KCNMB1: variants seen among roughly 807,000 people sequenced by gnomAD.
KCNMB1 encodes the protein calcium-activated potassium channel subunit beta-1.
Under a neutral mutation model 21.7 loss-of-function variants are expected in KCNMB1, and 22 were observed. The observed-to-expected ratio is 1.01, with a 90% confidence interval of 0.72 to 1.45. KCNMB1 has a LOEUF of 1.45. Ranked by LOEUF, KCNMB1 falls within the 40% of genes most tolerant of loss-of-function variation. KCNMB1 has a pLI of 0.00. For missense variants in KCNMB1, 243 were observed against 243.4 expected (o/e 1.00, Z 0.01); for synonymous variants, 114 against 107.6 (o/e 1.06, Z -0.37).
rs1195659496 is a variant in KCNMB1, at chr5:170,378,443, G to A, written c.*261C>T. ...CCGGAAACAGGTATGAGTCAGTTGA[G>A]TGGGGACAGGTAATAGAGAGCTAGA... On this transcript the variant is annotated 3_prime_UTR_variant, in exon 4 of 4. Transcript: ENST00000274629. The A allele has an allele frequency of 1.5e-5, 7 of 458,288 alleles. No individual in the cohort carries two copies. Among genetic ancestry groups the A allele is most frequent in the African/African-American group, 1.4e-4 (7 of 50,820 alleles). The allele number at this position is 458,288 out of a possible 1,614,324, so 28.4% of individuals were successfully genotyped here.
intron 1 of KCNMB1, 106 bp from the exon 2 acceptor site, chr5:170,385,577 CTT>C: frequency 1.9e-6 from 2 of 1,048,790 alleles, no homozygotes; most frequent in East Asian, 2.6e-5. Context: ...TAATATCACT[CTT>C]GTTTATATTT....
intron 3 of KCNMB1, 187 bp downstream of exon 3, chr5:170,383,492 G>A (rs370025912): frequency 9.0e-6 from 6 of 669,100 alleles, no homozygotes; most frequent in Middle Eastern, 3.5e-4. Context: ...CCAGTTAGCG[G>A]CAGATTCAAA....
rs112318935 is a variant in KCNMB1, at chr5:170,385,358, G to C, written c.90C>G (p.Thr30=). ...GCACAGTCGTGACCAGGATGTAGTA[G>C]GTGATGACGGCACACACCACCATGG... ...GVTMVVCAVI[T]YYILVTTVLP... is the part of the protein sequence containing the mutation. Residue 30 remains threonine (T), a synonymous_variant, in exon 2 of 4, where the codon ACC becomes ACG. Coordinates refer to ENST00000274629, the MANE Select transcript of KCNMB1 (RefSeq NM_004137.4). The C allele has an allele frequency of 2.5e-6, 4 of 1,614,140 alleles. No individual in the cohort carries two copies. The highest frequency in any genetic ancestry group is 2.5e-6 in the Non-Finnish European group (3 of 1,180,014).
rs1764108282 is a variant in KCNMB1, at chr5:170,378,702, C to T, written c.*2G>A. 1 of 1,604,872 alleles carries T rather than the reference C, an allele frequency of 6.2e-7. No homozygotes were observed. Among genetic ancestry groups the T allele is most frequent in the Non-Finnish European group, 8.5e-7 (1 of 1,175,946 alleles). On this transcript the variant is annotated 3_prime_UTR_variant, in exon 4 of 4. Transcript: ENST00000274629. ...CAAGTGGTATGGCATGGATGGATGG[C>T]TCTACTTCTGGGCCGCCAGGATGGA... is the stretch of plus-strand genomic sequence containing the variant.
intron 3 of KCNMB1, among the ~76,000 whole-genome samples, chr5:170,380,426 A>T (rs997013436): frequency 6.6e-6 from 1 of 152,246 alleles, no homozygotes; most frequent in Non-Finnish European, 1.5e-5. Context: ...CCCAAATGGC[A>T]GGTGTTGAGC....
chr5:170,379,086 G>C, intron 3 of KCNMB1, 113 bp from the exon 4 acceptor site: 1 of 1,303,722 alleles, frequency 7.7e-7, no homozygotes, highest in South Asian at 1.5e-5. Flanking sequence ...CTGGATTGGA[G>C]TCGGGGCTTT....
chr5:170,383,708 T>C lies in KCNMB1; in HGVS notation c.277A>G (p.Thr93Ala). 1 of 1,614,156 alleles carries C rather than the reference T, an allele frequency of 6.2e-7. No individual in the cohort carries two copies. The highest frequency in any genetic ancestry group is 1.1e-5 in the South Asian group (1 of 91,082). Residue 93 changes from threonine to alanine, a missense_variant, in exon 3 of 4, where the codon ACG (threonine) becomes GCG (alanine). By Grantham distance (58) the Thr-to-Ala change is moderately conservative. Coordinates refer to ENST00000274629, the MANE Select transcript of KCNMB1 (RefSeq NM_004137.4). ...AAGRWAVLYHTEDTRDQNQQC... is the reference protein window; with the variant it reads ...AAGRWAVLYHAEDTRDQNQQC... ...TGGTTCTGGTCCCGAGTGTCCTCCG[T>C]GTGGTACAGCACAGCCCACCTGCCG... is the stretch of plus-strand genomic sequence containing the variant.
intron 3 of KCNMB1, among the ~76,000 whole-genome samples, chr5:170,380,419 A>G: frequency 6.6e-6 from 1 of 152,218 alleles, no homozygotes; most frequent in South Asian, 2.1e-4. Context: ...ACTGAGACCC[A>G]AATGGCAGGT....
chr5:170,379,840 T>A (rs964180557), intron 3 of KCNMB1, among the ~76,000 whole-genome samples: 4 of 151,418 alleles, frequency 2.6e-5, no homozygotes, highest in Non-Finnish European at 5.9e-5. Flanking sequence ...TAGTCCCAGC[T>A]ACACAGGAGA....
intron 2 of KCNMB1, among the ~76,000 whole-genome samples, chr5:170,384,125 T>C (rs2113343009): frequency 6.6e-6 from 1 of 152,328 alleles, no homozygotes; most frequent in East Asian, 1.9e-4. Context: ...TCTAAAAAGA[T>C]TCCCGTGTCC....
In KCNMB1 at chr5:170,378,976, G is replaced by A. The variant is rs1013878013; in HGVS notation, c.307-3C>T. The A allele has an allele frequency of 8.1e-6, 13 of 1,613,030 alleles. No individual in the cohort carries two copies. Among genetic ancestry groups the A allele is most frequent in the Non-Finnish European group, 9.3e-6 (11 of 1,179,262 alleles). On this transcript the variant is annotated splice_polypyrimidine_tract_variant and splice_region_variant and intron_variant, in intron 3 of 3. Coordinates refer to ENST00000274629, the MANE Select transcript of KCNMB1 (RefSeq NM_004137.4). ...ACGCTGCCTGGGATGTAGGAGCACT[G>A]TGGGGAGAAACAAGAGCAGCTGTGG...
intron 1 of KCNMB1, among the ~76,000 whole-genome samples, chr5:170,388,978 C>A (rs1764597989): frequency 6.6e-6 from 1 of 152,172 alleles, no homozygotes; most frequent in Non-Finnish European, 1.5e-5. Context: ...GTGACAAGTG[C>A]CAGCATTGGT....
chr5:170,386,155 G>A (rs991588440), intron 1 of KCNMB1, among the ~76,000 whole-genome samples: 5 of 151,770 alleles, frequency 3.3e-5, no homozygotes, highest in African/African-American at 4.8e-5. Flanking sequence ...AAAAGATAAA[G>A]GCTCTTGAAA....
At position 170,375,252 on chromosome 5, in the gene KCNMB1, T is replaced by G. The variant is rs1043944332; in HGVS notation, c.*3452A>C. ...CAAAACTATAGTACAATATTACAAT[T>G]AAGACTTTCTTAAAAGACTCACATG... On this transcript the variant is annotated 3_prime_UTR_variant, in exon 4 of 4. Coordinates refer to ENST00000274629, the MANE Select transcript of KCNMB1 (RefSeq NM_004137.4). The G allele has an allele frequency of 4.6e-5, 7 of 152,252 alleles. No individual in the cohort carries two copies. The highest frequency in any genetic ancestry group is 1.7e-4 in the African/African-American group (7 of 41,466). 9.4% of individuals were successfully genotyped at this position (152,252 alleles called of 1,614,324 possible).
In KCNMB1 at chr5:170,383,790, C is replaced by G. The variant is rs1326454046; in HGVS notation, c.195G>C (p.Glu65Asp). 1 of 1,613,992 alleles carries G rather than the reference C, an allele frequency of 6.2e-7. No individual in the cohort carries two copies. The highest frequency in any genetic ancestry group is 8.5e-7 in the Non-Finnish European group (1 of 1,179,996). Reference protein sequence around the residue: ...LIETNIRDQEELKGKKVPQYP... With the variant: ...LIETNIRDQEDLKGKKVPQYP... ...ACTGGGGCACCTTCTTGCCCTTCAG[C>G]TCCTCCTGGTCCCTGATGTTGGTCT... Residue 65 changes from glutamate to aspartate, a missense_variant, in exon 3 of 4, where the codon GAG becomes GAC. Physicochemically the swap from Glu to Asp is conservative, Grantham distance 45. Transcript: ENST00000274629.
At position 170,389,247 on chromosome 5, in the gene KCNMB1, C is replaced by G. The variant is rs527581319; in HGVS notation, c.-25+12G>C. On this transcript the variant is annotated intron_variant, in intron 1 of 3. Coordinates refer to ENST00000274629, the MANE Select transcript of KCNMB1 (RefSeq NM_004137.4). ...AAATCACTTCCCAAGTGCTTTCAGG[C>G]CCGGTACTCACAGTCTTCCCGGCGT... is the stretch of plus-strand genomic sequence containing the variant. 1.3e-5 allele frequency: 2 copies of G among 152,240 alleles called. No homozygotes were observed. The highest frequency in any genetic ancestry group is 6.5e-5 in the Admixed American group (1 of 15,274). 9.4% of individuals were successfully genotyped at this position (152,240 alleles called of 1,614,324 possible). A position where few individuals can be genotyped will look rare whatever the true frequency, so the allele number is the denominator to read the frequency against.
intron 1 of KCNMB1, among the ~76,000 whole-genome samples, chr5:170,388,894 A>T (rs1470617018): frequency 2.0e-5 from 3 of 152,242 alleles, no homozygotes; most frequent in African/African-American, 7.2e-5. Context: ...CTACTAACGA[A>T]GGAAACCCTG....
intron 2 of KCNMB1, among the ~76,000 whole-genome samples, chr5:170,384,595 A>T (rs1050571117): frequency 6.6e-6 from 1 of 152,230 alleles, no homozygotes; most frequent in Non-Finnish European, 1.5e-5. Flanking sequence ...TGGGAGACCC[A>T]TTGCCAGTCA....
In KCNMB1 at chr5:170,375,656, G is replaced by A. The variant is rs1481536440; in HGVS notation, c.*3048C>T. On this transcript the variant is annotated 3_prime_UTR_variant, in exon 4 of 4. Coordinates refer to ENST00000274629, the MANE Select transcript of KCNMB1 (RefSeq NM_004137.4). ...GCTGGCTCTGCTGAGTTCTGTGGTT[G>A]AGATGCCAGGTACTGGAACACACAG... The A allele has an allele frequency of 6.6e-6, 1 of 152,604 alleles. No homozygotes were observed. Among genetic ancestry groups the A allele is most frequent in the African/African-American group, 2.4e-5 (1 of 41,394 alleles). The allele number at this position is 152,604 out of a possible 1,614,324, so 9.5% of individuals were successfully genotyped here.
Sources: allele counts gnomAD v4.1 joint callset (sites outside exome capture counted in the v4.1 genomes callset), GRCh38; gene constraint gnomAD v4.1.1; transcripts MANE v1.5; gene names NCBI Gene and HGNC (gene_info 2026-07-23, HGNC 2026-07-21).